OSBPL9: variants seen among roughly 807,000 people sequenced by gnomAD.
The protein encoded by OSBPL9 is oxysterol-binding protein-related protein 9.
OSBPL9 carries 40 observed loss-of-function variants against 106.6 expected under a neutral mutation model. The observed-to-expected ratio is 0.38, with a 90% confidence interval of 0.29 to 0.49. OSBPL9 has a LOEUF of 0.49. OSBPL9 is among the 20% of genes least tolerant of loss of function. The pLI is 0.97. For missense variants in OSBPL9, 609 were observed against 887.2 expected (o/e 0.69, Z 3.98); for synonymous variants, 269 against 295.4 (o/e 0.91, Z 0.92).
At chr1:51,540,395 G>A in the OSBPL9 span, among the ~76,000 whole-genome samples, 5 of 151,986 alleles carry the variant, frequency 3.3e-5, no homozygotes, top group Non-Finnish European at 1.5e-5. Context: ...GGTGGTTCAT[G>A]CCTGTAATCC....
intron 4 of OSBPL9, among the ~76,000 whole-genome samples, chr1:51,739,317 C>A (rs377613544): frequency 6.6e-6 from 1 of 151,960 alleles, no homozygotes; most frequent in African/African-American, 2.4e-5. Context: ...GTCTACCTTA[C>A]TGTATTATAA....
At chr1:51,659,897 G>GT (rs1214056730) in intron 2 of OSBPL9, among the ~76,000 whole-genome samples, 1 of 152,090 alleles carries the variant, frequency 6.6e-6, no homozygotes, top group African/African-American at 2.4e-5. Flanking sequence ...AGAATAAGGA[G>GT]TTGGTGGACT....
chr1:51,606,032 G>A (rs1643946853), intron 2 of OSBPL9, among the ~76,000 whole-genome samples: 1 of 151,880 alleles, frequency 6.6e-6, no homozygotes, highest in African/African-American at 2.4e-5. Context: ...AGGAAGGAAA[G>A]AAAGGAAAGA....
At chr1:51,634,501 A>G (rs975728628) in intron 1 of OSBPL9, among the ~76,000 whole-genome samples, 3 of 152,216 alleles carry the variant, frequency 2.0e-5, no homozygotes, top group Admixed American at 6.5e-5. Flanking sequence ...GTCGGCTGAA[A>G]TGAGTTGACA....
At chr1:51,528,044 A>G in the OSBPL9 span, among the ~76,000 whole-genome samples, 1 of 152,092 alleles carries the variant, frequency 6.6e-6, no homozygotes, top group Admixed American at 6.6e-5. Context: ...GAATCTCTTG[A>G]ACCTAGGAGG....
intron 2 of OSBPL9, among the ~76,000 whole-genome samples, chr1:51,657,547 T>C (rs1418187624): frequency 6.6e-6 from 1 of 152,230 alleles, no homozygotes. Context: ...TAGGCTCCCA[T>C]TCCTCTGGAC....
chr1:51,761,964 T>C lies in OSBPL9; in HGVS notation c.771T>C (p.Asn257=), dbSNP rs1273281077. 1 of 1,595,780 alleles carries C rather than the reference T, an allele frequency of 6.3e-7. No homozygotes were observed. Among genetic ancestry groups the C allele is most frequent in the East Asian group, 2.2e-5 (1 of 44,776 alleles). ...GACATCATCAGACTCCTACACCAAA[T>C]AGTACAGGTACAGATTTGCATAATT... ...TLGHHQTPTP[N]STGSGHSPPS... The change falls in exon 11 of 24, where the codon AAT becomes AAC. Residue 257 remains asparagine (N), a synonymous_variant. Coordinates refer to ENST00000428468, the MANE Select transcript of OSBPL9 (RefSeq NM_024586.6).
chr1:51,613,172 G>C (rs1644001268), upstream of OSBPL9, among the ~76,000 whole-genome samples: 1 of 152,202 alleles, frequency 6.6e-6, no homozygotes, highest in Non-Finnish European at 1.5e-5. Flanking sequence ...ATAAGGCCTG[G>C]TTCCTGCTGT....
rs564756090 is a variant in OSBPL9 at position 51,606,507 on chromosome 1, T to C, written c.-352-7798T>C. 2.6e-5 allele frequency among the ~76,000 whole-genome samples: 4 copies of C among 152,348 alleles called. No individual in the cohort carries two copies. In the South Asian group the frequency reaches 8.3e-4, roughly 32 times the overall value. The stretch of plus-strand genomic sequence containing the variant: ...TGGATATAGAATGAGGAAGAGGGCA[T>C]GAGAATTCTGCAAGACTTCTGGTTG... On this transcript the variant is annotated intron_variant, in intron 2 of 25. Coordinates refer to the OSBPL9 transcript ENST00000371714.
intron 1 of OSBPL9, among the ~76,000 whole-genome samples, chr1:51,642,825 T>G (rs576387357): frequency 6.6e-6 from 1 of 152,270 alleles, no homozygotes; most frequent in East Asian, 1.9e-4. Context: ...GGTTTTATTA[T>G]CCTTCCAGAC....
chr1:51,525,869 C>T, the OSBPL9 span, among the ~76,000 whole-genome samples: 1 of 151,570 alleles, frequency 6.6e-6, no homozygotes, highest in Non-Finnish European at 1.5e-5. Flanking sequence ...CTTGCCTCAG[C>T]CTGAATGATT....
chr1:51,606,257 C>T (rs1462396780), intron 2 of OSBPL9, among the ~76,000 whole-genome samples: 1 of 152,014 alleles, frequency 6.6e-6, no homozygotes, highest in African/African-American at 2.4e-5. Context: ...ACCTTTATCC[C>T]TGGCTTGGCA....
intron 15 of OSBPL9, among the ~76,000 whole-genome samples, chr1:51,780,503 G>A (rs1479705863): frequency 6.6e-6 from 1 of 152,042 alleles, no homozygotes; most frequent in Non-Finnish European, 1.5e-5. Context: ...AAGAAAACGT[G>A]GCATATATAT....
chr1:51,766,070 T>C, intron 12 of OSBPL9, 89 bp downstream of exon 12: 1 of 1,259,902 alleles, frequency 7.9e-7, no homozygotes, highest in Non-Finnish European at 1.1e-6. Flanking sequence ...AATGACAGAC[T>C]TGCCTCATCA....
At chr1:51,553,662 C>A in the OSBPL9 span, among the ~76,000 whole-genome samples, 1 of 151,916 alleles carries the variant, frequency 6.6e-6, no homozygotes, top group East Asian at 1.9e-4. Context: ...GGCAACATAG[C>A]AAGATCCCAT....
the OSBPL9 span, among the ~76,000 whole-genome samples, chr1:51,553,029 A>C: frequency 6.6e-6 from 1 of 152,032 alleles, no homozygotes; most frequent in African/African-American, 2.4e-5. Context: ...CATAAGCTTA[A>C]TCTGCCTATT....
chr1:51,580,894 A>T (rs1277340875), intron 1 of OSBPL9, among the ~76,000 whole-genome samples: 158 of 404 alleles, frequency 0.39, 1 homozygote, highest in African/African-American at 0.43. Flanking sequence ...TCTAGCCATT[A>T]TATATATATA....
intron 15 of OSBPL9, 53 bp from the exon 16 acceptor site, chr1:51,781,111 T>C (rs1334496638): frequency 1.9e-6 from 3 of 1,567,762 alleles, no homozygotes; most frequent in Non-Finnish European, 2.6e-6. Flanking sequence ...TGTTGCATCA[T>C]CTTGTCTTGT....
intron 1 of OSBPL9, among the ~76,000 whole-genome samples, chr1:51,584,687 G>A (rs992485724): frequency 6.6e-6 from 1 of 152,116 alleles, no homozygotes; most frequent in African/African-American, 2.4e-5. Flanking sequence ...TTGCACTCCA[G>A]CCTGGGCGAT....
Sources: gnomAD v4.1 joint callset for allele counts (sites outside exome capture counted in the v4.1 genomes callset) on GRCh38, gnomAD v4.1.1 for gene constraint, MANE v1.5 for transcripts, NCBI Gene and HGNC (gene_info 2026-07-23, HGNC 2026-07-21) for gene names.